Variants in SLC44A5 observed in about 807,000 individuals in gnomAD.
SLC44A5 encodes choline transporter-like protein 5.
SLC44A5 carries 57 observed loss-of-function variants against 101.8 expected under a neutral mutation model. That is an observed-to-expected ratio of 0.56 (90% confidence interval 0.45 to 0.70). The LOEUF is 0.70. SLC44A5 is among the 30% of genes least tolerant of loss of function. The probability of loss-of-function intolerance (pLI) is 0.00; values close to 1 mark genes in which losing one functional copy is unlikely to be tolerated. For missense variants in SLC44A5, 737 were observed against 853.1 expected (o/e 0.86, Z 1.70); for synonymous variants, 281 against 290.9 (o/e 0.97, Z 0.35).
the SLC44A5 span, among the ~76,000 whole-genome samples, chr1:75,669,010 A>G: frequency 0.036 from 5,474 of 151,450 alleles, 523 homozygotes; most frequent in African/African-American, 0.12. Flanking sequence ...CAACAAAAGA[A>G]GAAGTGAGAA....
intron 2 of SLC44A5, among the ~76,000 whole-genome samples, chr1:75,429,911 A>G (rs1264565867): frequency 3.3e-5 from 5 of 152,194 alleles, no homozygotes; most frequent in Non-Finnish European, 7.3e-5. Context: ...TCCAAACCAT[A>G]TCAACATCTA....
the SLC44A5 span, among the ~76,000 whole-genome samples, chr1:75,633,727 A>G: frequency 1.3e-5 from 2 of 151,608 alleles, no homozygotes; most frequent in African/African-American, 2.4e-5. Flanking sequence ...TCTCCTGCCT[A>G]ATTGCCCTGG....
At chr1:75,351,473 C>G (rs1658652229) in intron 3 of SLC44A5, among the ~76,000 whole-genome samples, 1 of 151,956 alleles carries the variant, frequency 6.6e-6, no homozygotes, top group Admixed American at 6.6e-5. Flanking sequence ...ATTATGACCT[C>G]AGAGAGAGGA....
At chr1:75,420,963 G>A (rs1257268845) in intron 2 of SLC44A5, among the ~76,000 whole-genome samples, 1 of 151,948 alleles carries the variant, frequency 6.6e-6, no homozygotes, top group Non-Finnish European at 1.5e-5. Context: ...TTAGAACACA[G>A]ATGTCACAAA....
intron 2 of SLC44A5, among the ~76,000 whole-genome samples, chr1:75,518,261 A>T (rs963560128): frequency 1.3e-5 from 2 of 152,218 alleles, no homozygotes; most frequent in South Asian, 4.1e-4. Context: ...TAGCAGTCTC[A>T]AAGAACTAAT....
At position 75,365,238 on chromosome 1, in the gene SLC44A5, G is replaced by T. The variant is rs1249848; in HGVS notation, c.53-25608C>A. Among the ~76,000 whole-genome samples the T allele has an allele frequency of 2.7e-3, 409 of 152,166 alleles. 1 individual carries two copies. The highest frequency in any genetic ancestry group is 9.3e-3 in the African/African-American group (387 of 41,508). ...TTACATAGGCAAATGTGTGTCAAGG[G>T]GGTTGGCTGTACAGATTATTTCATC... is the stretch of plus-strand genomic sequence containing the variant. On this transcript the variant is annotated intron_variant, in intron 3 of 23. Coordinates refer to ENST00000370859, the MANE Select transcript of SLC44A5 (RefSeq NM_001130058.2).
chr1:75,206,655 A>C, intron 23 of SLC44A5: 1 of 1,613,242 alleles, frequency 6.2e-7, no homozygotes, highest in East Asian at 2.2e-5. Flanking sequence ...TCAGAATTCC[A>C]TGCAGGTTAG....
the SLC44A5 span, among the ~76,000 whole-genome samples, chr1:75,672,131 A>G: frequency 1.3e-5 from 2 of 152,160 alleles, no homozygotes; most frequent in East Asian, 1.9e-4. Context: ...TTTGTTTGCC[A>G]TGCAAACCAA....
intron 2 of SLC44A5, among the ~76,000 whole-genome samples, chr1:75,478,390 T>G (rs566902512): frequency 6.6e-6 from 1 of 152,228 alleles, no homozygotes; most frequent in South Asian, 2.1e-4. Context: ...AGGATCAAAT[T>G]CACAATAACA....
intron 2 of SLC44A5, among the ~76,000 whole-genome samples, chr1:75,496,604 C>G (rs1314683915): frequency 7.2e-6 from 1 of 139,432 alleles, no homozygotes; most frequent in African/African-American, 2.8e-5. Flanking sequence ...AAACAGACAA[C>G]AACAACAAAA....
chr1:75,332,173 G>A (rs1448497897), intron 4 of SLC44A5, among the ~76,000 whole-genome samples: 2 of 152,030 alleles, frequency 1.3e-5, no homozygotes, highest in African/African-American at 4.8e-5. Context: ...TTAAAACTAA[G>A]AAAAATCCTT....
intron 2 of SLC44A5, among the ~76,000 whole-genome samples, chr1:75,399,800 T>C (rs968706501): frequency 1.3e-5 from 2 of 152,232 alleles, no homozygotes; most frequent in Non-Finnish European, 2.9e-5. Context: ...TACTTTGATG[T>C]TTTCTTTGAC....
chr1:75,502,829 G>A (rs560269360), intron 2 of SLC44A5, among the ~76,000 whole-genome samples: 2 of 151,562 alleles, frequency 1.3e-5, no homozygotes, highest in African/African-American at 4.9e-5. Context: ...CATATTTTTT[G>A]AATAAGTCCC....
intron 3 of SLC44A5, among the ~76,000 whole-genome samples, chr1:75,365,834 G>T (rs548631617): frequency 5.9e-5 from 9 of 152,172 alleles, no homozygotes; most frequent in African/African-American, 2.2e-4. Flanking sequence ...TACCAGGGGG[G>T]TTAAATGTAT....
At chr1:75,265,151 T>G (rs750541211) in intron 6 of SLC44A5, among the ~76,000 whole-genome samples, 3 of 152,196 alleles carry the variant, frequency 2.0e-5, no homozygotes, top group Non-Finnish European at 4.4e-5. Context: ...ACCAGATGGT[T>G]TCACTGCTGA....
At chr1:75,568,679 G>A (rs1010625844) in intron 1 of SLC44A5, among the ~76,000 whole-genome samples, 9 of 152,074 alleles carry the variant, frequency 5.9e-5, no homozygotes, top group East Asian at 3.9e-4. Flanking sequence ...TTAATCCTAC[G>A]ATCCACCACA....
At chr1:75,543,613 A>G (rs1226375219) in intron 1 of SLC44A5, among the ~76,000 whole-genome samples, 1 of 147,680 alleles carries the variant, frequency 6.8e-6, no homozygotes, top group Non-Finnish European at 1.5e-5. Flanking sequence ...ATATATACAC[A>G]CACACATATA....
intron 2 of SLC44A5, among the ~76,000 whole-genome samples, chr1:75,420,079 G>T (rs1663906441): frequency 6.6e-6 from 1 of 152,054 alleles, no homozygotes; most frequent in Admixed American, 6.6e-5. Context: ...TTCTAAGAGA[G>T]GCCCAGGAGA....
upstream of SLC44A5, chr1:75,611,145 T>C: frequency 1.0e-6 from 1 of 966,550 alleles, no homozygotes; most frequent in Non-Finnish European, 1.2e-6. Context: ...ATAAACACAT[T>C]GTGTTCCAGT....
Sources: allele counts gnomAD v4.1 joint callset (sites outside exome capture counted in the v4.1 genomes callset), GRCh38; gene constraint gnomAD v4.1.1; transcripts MANE v1.5; gene names NCBI Gene and HGNC (gene_info 2026-07-23, HGNC 2026-07-21).